The following SUMF2 variants were observed in gnomAD, a reference collection of about 807,000 sequenced individuals.
The protein encoded by SUMF2 is sulfatase modifying factor 2.
In SUMF2, 45 loss-of-function variants were observed where a neutral mutation model predicts 44.8. The observed-to-expected ratio is 1.00, with a 90% CI of 0.79 to 1.29. SUMF2 has a LOEUF of 1.29. Among genes scored for constraint, SUMF2 ranks in the 50% most tolerant of loss-of-function variants. The pLI is 0.00. For synonymous variants in SUMF2, 148 were observed against 150.4 expected (o/e 0.98, Z 0.12); for missense variants, 418 against 389.9 (o/e 1.07, Z -0.61).
At chr7:56,082,211 T>C, downstream of SUMF2, 4 of 1,613,824 alleles carry the variant, frequency 2.5e-6, no homozygotes, top group Non-Finnish European at 3.4e-6. Context: ...CATGGAGCAC[T>C]CGATAATCTC....
the SUMF2 span, chr7:56,087,540 C>A: frequency 6.5e-7 from 1 of 1,539,376 alleles, no homozygotes; most frequent in South Asian, 1.2e-5. Flanking sequence ...CTGGCTTGGG[C>A]TGTCAGGGCA....
chr7:56,078,949 T>A (rs1562871455), intron 8 of SUMF2: 1 of 547,982 alleles, frequency 1.8e-6, no homozygotes, highest in Non-Finnish European at 3.3e-6. Context: ...CAGGCTGGAG[T>A]GCAGTGGCAC....
intron 2 of SUMF2, among the ~76,000 whole-genome samples, chr7:56,069,630 C>T (rs1279393567): frequency 6.6e-6 from 1 of 151,988 alleles, no homozygotes; most frequent in African/African-American, 2.4e-5. Context: ...GAGACAGGGT[C>T]TGGCTCTGTC....
chr7:56,083,612 G>A (rs893897230), downstream of SUMF2: 8 of 1,549,734 alleles, frequency 5.2e-6, no homozygotes, highest in Middle Eastern at 1.7e-4. Flanking sequence ...CCTAAGCCAC[G>A]TGGGAGGGAG....
At chr7:56,084,622 C>CTCAGCCTCCCAAAGTGT (rs925231206), downstream of SUMF2, among the ~76,000 whole-genome samples, 5 of 152,034 alleles carry the variant, frequency 3.3e-5, no homozygotes, top group South Asian at 4.2e-4. Flanking sequence ...GATCACCCGT[C>CTCAGCCTCCCAAAGTGT]TCAGCCTCCC....
At chr7:56,084,369 G>T (rs1205212437), downstream of SUMF2, 2 of 473,368 alleles carry the variant, frequency 4.2e-6, no homozygotes, top group Non-Finnish European at 7.4e-6. Flanking sequence ...TGAGTATCCC[G>T]ATTTTTTTTT....
rs71015184 is a variant in SUMF2, at chr7:56,080,260, CTTTT to C, written c.*668_*671del. The C allele has an allele frequency of 6.0e-4, 63 of 105,404 alleles. No individual in the cohort carries two copies. Among genetic ancestry groups the C allele is most frequent in the Admixed American group, 1.1e-3 (10 of 9,120 alleles). 6.5% of individuals were successfully genotyped at this position (105,404 alleles called of 1,614,324 possible). A position where few individuals can be genotyped will look rare whatever the true frequency, so the allele number is the denominator to read the frequency against. On this transcript the variant is annotated 3_prime_UTR_variant, in exon 9 of 9. Transcript: ENST00000434526. Reference sequence around the variant, plus strand: ...AGACAAATATCAGAAGCTTCCTATTCTTTTTTTTTTTTTTTTTTTTTTTGAGACA... The same window carrying C: ...AGACAAATATCAGAAGCTTCCTATTCTTTTTTTTTTTTTTTTTTTGAGACA...
At chr7:56,077,027 C>G (rs1795606614) in intron 6 of SUMF2, 138 bp downstream of exon 6, 1 of 593,470 alleles carries the variant, frequency 1.7e-6, no homozygotes, top group Admixed American at 3.6e-5. Flanking sequence ...AAGCAAAAGA[C>G]AATGGGTCAT....
chr7:56,073,536 C>T, intron 3 of SUMF2: 1 of 239,914 alleles, frequency 4.2e-6, no homozygotes, highest in Middle Eastern at 1.7e-3. Context: ...CTGAGCTACT[C>T]AGGAGGCTGA....
At chr7:56,087,834 G>C in the SUMF2 span, 4 of 1,383,826 alleles carry the variant, frequency 2.9e-6, no homozygotes, top group Non-Finnish European at 4.1e-6. Flanking sequence ...GGGGGTCCCA[G>C]ATTAGAGGCT....
At chr7:56,070,919 G>A (rs1795114983) in intron 2 of SUMF2, among the ~76,000 whole-genome samples, 1 of 152,148 alleles carries the variant, frequency 6.6e-6, no homozygotes, top group Non-Finnish European at 1.5e-5. Context: ...ACTACATACT[G>A]TATGATTCAA....
At chr7:56,086,243 C>T in the SUMF2 span, among the ~76,000 whole-genome samples, 1 of 152,094 alleles carries the variant, frequency 6.6e-6, no homozygotes, top group Admixed American at 6.6e-5. Context: ...CCAAGACCCC[C>T]AGTGGATGCC....
rs368812409 is a variant in SUMF2, at chr7:56,068,617, C to T, written c.203C>T (p.Pro68Leu). ...TVKPFAIDIF[P>L]VTNKDFRDFV... ...AAACCCTTTGCCATCGACATATTTCCTGTCACCAACAAAGATTTCAGGTAC... is the reference window on the plus strand; with the variant it reads ...AAACCCTTTGCCATCGACATATTTCTTGTCACCAACAAAGATTTCAGGTAC... Residue 68 changes from proline to leucine, a missense_variant, in exon 2 of 9, where the codon CCT becomes CTT. Physicochemically the swap from Pro to Leu is moderately conservative, Grantham distance 98. Coordinates refer to ENST00000434526, the MANE Select transcript of SUMF2 (RefSeq NM_015411.4). The T allele has an allele frequency of 1.1e-5, 17 of 1,613,822 alleles. No homozygotes were observed. Among genetic ancestry groups the T allele is most frequent in the East Asian group, 2.2e-5 (1 of 44,876 alleles).
chr7:56,085,763 G>A, the SUMF2 span, among the ~76,000 whole-genome samples: 11 of 151,664 alleles, frequency 7.3e-5, no homozygotes, highest in African/African-American at 2.2e-4. Context: ...TCAGGAGTTC[G>A]AGACCAGACT....
At position 56,079,950 on chromosome 7, in the gene SUMF2, C is replaced by T; in HGVS notation, c.*338C>T. ...TTTTAAGCATTTTAAAATCTATTCT[C>T]TCCCCCTTTCTCCCTGGATGATTCA... On this transcript the variant is annotated 3_prime_UTR_variant, in exon 9 of 9. Coordinates refer to ENST00000434526, the MANE Select transcript of SUMF2 (RefSeq NM_015411.4). The T allele has an allele frequency of 8.2e-7, 1 of 1,218,866 alleles. No individual in the cohort carries two copies. Among genetic ancestry groups the T allele is most frequent in the Non-Finnish European group, 1.1e-6 (1 of 887,418 alleles). The allele number at this position is 1,218,866 out of a possible 1,614,324, so 75.5% of individuals were successfully genotyped here. A position where few individuals can be genotyped will look rare whatever the true frequency, so the allele number is the denominator to read the frequency against.
At chr7:56,081,374 C>A (rs1795979367), downstream of SUMF2, 2 of 1,514,418 alleles carry the variant, frequency 1.3e-6, no homozygotes, top group East Asian at 2.4e-5. This position sits in a 1 kb window ranked among gnomAD's most constrained non-coding sequence, Gnocchi z 4.6. Context: ...CAGGGACGCT[C>A]TGGGCTCGTT....
chr7:56,081,426 G>A (rs997549345), downstream of SUMF2: 87 of 1,315,842 alleles, frequency 6.6e-5, no homozygotes, highest in Non-Finnish European at 8.2e-5. This position sits in a 1 kb window ranked among gnomAD's most constrained non-coding sequence, Gnocchi z 4.6. Context: ...CCTTCCTAGT[G>A]TCCCCCACTT....
intron 2 of SUMF2, among the ~76,000 whole-genome samples, chr7:56,072,133 A>G (rs183955120): frequency 9.3e-4 from 140 of 149,766 alleles, no homozygotes; most frequent in Middle Eastern, 3.6e-3. Context: ...AAAAAAAAAA[A>G]AAAAAATATT....
downstream of SUMF2, chr7:56,084,361 A>G: frequency 5.8e-6 from 3 of 513,464 alleles, no homozygotes; most frequent in Non-Finnish European, 6.8e-6. Context: ...GAAGGACGTG[A>G]GTATCCCGAT....
Sources: allele counts gnomAD v4.1 joint callset (sites outside exome capture counted in the v4.1 genomes callset), GRCh38; gene constraint gnomAD v4.1.1; non-coding constraint Gnocchi (gnomAD v3.1); transcripts MANE v1.5; gene names NCBI Gene and HGNC (gene_info 2026-07-23, HGNC 2026-07-21).